Variants in FRMD3 observed in about 807,000 individuals in gnomAD.
FRMD3 encodes FERM domain-containing protein 3.
Under a neutral mutation model 70.2 loss-of-function variants are expected in FRMD3, and 33 were observed. That is an observed-to-expected ratio of 0.47 (90% CI 0.36 to 0.63). FRMD3 has a LOEUF of 0.63. Among genes scored for constraint, FRMD3 ranks in the 20% least tolerant of loss-of-function variants. FRMD3 has a pLI of 0.00. For missense variants in FRMD3, 632 were observed against 711.4 expected (o/e 0.89, Z 1.27); for synonymous variants, 279 against 255.9 (o/e 1.09, Z -0.86).
At chr9:83,272,814 C>T (rs543696977) in intron 13 of FRMD3, among the ~76,000 whole-genome samples, 6 of 148,902 alleles carry the variant, frequency 4.0e-5, no homozygotes, top group African/African-American at 1.0e-4. Context: ...ATGTGAGGAG[C>T]GCCTCTGCCC....
rs1832012203 is a variant in FRMD3, at chr9:83,244,818, A to C, written c.*3100T>G. ...ACCCCGAGTTGTGTTTATAAATATT[A>C]GACAAACCACAAAATATATTCCAAA... is the stretch of plus-strand genomic sequence containing the variant. On this transcript the variant is annotated 3_prime_UTR_variant, in exon 14 of 14. Coordinates refer to ENST00000304195, the MANE Select transcript of FRMD3 (RefSeq NM_174938.6). The C allele has an allele frequency of 1.0e-6, 1 of 985,064 alleles. No homozygotes were observed. The highest frequency in any genetic ancestry group is 1.1e-4 in the East Asian group (1 of 8,822). 61.0% of individuals were successfully genotyped at this position (985,064 alleles called of 1,614,324 possible). A position where few individuals can be genotyped will look rare whatever the true frequency, so the allele number is the denominator to read the frequency against.
chr9:83,566,969 G>A, the FRMD3 span, among the ~76,000 whole-genome samples: 1 of 152,192 alleles, frequency 6.6e-6, no homozygotes, highest in Non-Finnish European at 1.5e-5. Context: ...CCACTAGGCA[G>A]TGCCCCAGTA....
chr9:83,271,839 A>C (rs1833565074), intron 13 of FRMD3, among the ~76,000 whole-genome samples: 1 of 152,192 alleles, frequency 6.6e-6, no homozygotes, highest in Non-Finnish European at 1.5e-5. Flanking sequence ...GACAAAGTAT[A>C]GTTCAAGCAG....
At chr9:83,471,027 C>T (rs1828255383) in intron 1 of FRMD3, among the ~76,000 whole-genome samples, 1 of 152,208 alleles carries the variant, frequency 6.6e-6, no homozygotes, top group South Asian at 2.1e-4. Context: ...TGCCTCAGTA[C>T]TAGAGGAAAA....
chr9:83,498,419 C>T (rs570335858), intron 1 of FRMD3, among the ~76,000 whole-genome samples: 1 of 152,256 alleles, frequency 6.6e-6, no homozygotes, highest in African/African-American at 2.4e-5. Flanking sequence ...AAGGTTTATC[C>T]ACTTTAATTT....
the FRMD3 span, among the ~76,000 whole-genome samples, chr9:83,576,926 A>C: frequency 6.6e-6 from 1 of 152,150 alleles, no homozygotes; most frequent in South Asian, 2.1e-4. Flanking sequence ...CAAAATATGC[A>C]CTATCGATTG....
At chr9:83,283,312 T>C (rs755915315) in intron 13 of FRMD3, among the ~76,000 whole-genome samples, 26 of 151,928 alleles carry the variant, frequency 1.7e-4, no homozygotes, top group Non-Finnish European at 1.0e-4. Flanking sequence ...GGGTGGATCA[T>C]GAGGTCAGGA....
At chr9:83,431,360 T>A (rs1249689412) in intron 1 of FRMD3, among the ~76,000 whole-genome samples, 1 of 152,254 alleles carries the variant, frequency 6.6e-6, no homozygotes, top group Admixed American at 6.5e-5. Flanking sequence ...TTTTCAGGGA[T>A]ATGAGTTAGA....
chr9:83,285,934 C>T (rs1190103320), intron 13 of FRMD3, among the ~76,000 whole-genome samples: 1 of 152,304 alleles, frequency 6.6e-6, no homozygotes, highest in Admixed American at 6.5e-5. Flanking sequence ...AACCAAGCAA[C>T]TTTTGGGTGG....
intron 2 of FRMD3, among the ~76,000 whole-genome samples, chr9:83,385,548 G>A (rs1167202584): frequency 2.2e-4 from 33 of 152,126 alleles, no homozygotes; most frequent in Admixed American, 2.2e-3. Flanking sequence ...TGTTCCAAAT[G>A]CAATCGTGCT....
Position 83,452,301 on chromosome 9 carries a change from T to C in FRMD3, c.148-62593A>G, listed in dbSNP as rs575697838. On this transcript the variant is annotated intron_variant, in intron 1 of 13. Transcript: ENST00000304195. ...TCTTTGTAGTTCACAAGCATGGTGA[T>C]TGGGTGCTCAAGCCCATGTGTGAGG... is the stretch of plus-strand genomic sequence containing the variant. 4.6e-5 allele frequency among the ~76,000 whole-genome samples: 7 copies of C among 152,302 alleles called. No individual in the cohort carries two copies. In the South Asian group the frequency reaches 1.0e-3, roughly 23 times the overall value.
At chr9:83,272,711 C>T (rs1156886849) in intron 13 of FRMD3, among the ~76,000 whole-genome samples, 1 of 147,926 alleles carries the variant, frequency 6.8e-6, no homozygotes, top group African/African-American at 2.5e-5. Flanking sequence ...CTCTTCCCGG[C>T]CGCCATCCCA....
chr9:83,284,532 C>T (rs1249660143), intron 13 of FRMD3, among the ~76,000 whole-genome samples: 5 of 152,178 alleles, frequency 3.3e-5, no homozygotes, highest in Admixed American at 3.3e-4. Flanking sequence ...GGCTTGAACC[C>T]AGGAGGCAGA....
chr9:83,383,482 T>C (rs1295889728), intron 2 of FRMD3, among the ~76,000 whole-genome samples: 4 of 152,234 alleles, frequency 2.6e-5, no homozygotes, highest in South Asian at 2.1e-4. Flanking sequence ...TCATACATCA[T>C]AGCCACATTC....
At chr9:83,299,397 G>A (rs953399963) in intron 10 of FRMD3, among the ~76,000 whole-genome samples, 5 of 152,120 alleles carry the variant, frequency 3.3e-5, no homozygotes, top group Non-Finnish European at 7.4e-5. Context: ...TATTTTCTAC[G>A]CTATTTCCTT....
chr9:83,244,408 T>C (rs1010435788), downstream of FRMD3, among the ~76,000 whole-genome samples: 2 of 152,200 alleles, frequency 1.3e-5, no homozygotes, highest in Non-Finnish European at 2.9e-5. Flanking sequence ...GTTTATTTTA[T>C]GTTTGAGCAT....
rs112545784 is a variant in FRMD3, at chr9:83,431,073, T to C, written c.148-41365A>G. Among the ~76,000 whole-genome samples, 261 of 152,322 alleles carry C rather than the reference T, an allele frequency of 1.7e-3. 1 individual carries two copies. The highest frequency in any genetic ancestry group is 6.1e-3 in the African/African-American group (252 of 41,570). On this transcript the variant is annotated intron_variant, in intron 1 of 13. Coordinates refer to ENST00000304195, the MANE Select transcript of FRMD3 (RefSeq NM_174938.6). Reference sequence around the variant, plus strand: ...CAGCAAGTTCATTCTGAGCAAAACATCCTTTTAGGTGAGATCCATTGGCCC... The same window carrying C: ...CAGCAAGTTCATTCTGAGCAAAACACCCTTTTAGGTGAGATCCATTGGCCC...
At chr9:83,443,667 C>T (rs544979881) in intron 1 of FRMD3, among the ~76,000 whole-genome samples, 20 of 152,274 alleles carry the variant, frequency 1.3e-4, no homozygotes, top group Admixed American at 4.6e-4. Context: ...GTAATGGGAT[C>T]GCTGGGTCAG....
intron 1 of FRMD3, among the ~76,000 whole-genome samples, chr9:83,450,445 T>C (rs28719707): frequency 0.13 from 19,764 of 151,316 alleles, 1,622 homozygotes; most frequent in African/African-American, 0.22. Flanking sequence ...GCCATGCTGG[T>C]GTGCTGCACC....
Sources: allele counts gnomAD v4.1 joint callset (sites outside exome capture counted in the v4.1 genomes callset), GRCh38; gene constraint gnomAD v4.1.1; transcripts MANE v1.5; gene names NCBI Gene and HGNC (gene_info 2026-07-23, HGNC 2026-07-21).